CALCRL: variants seen among roughly 807,000 people sequenced by gnomAD.
CALCRL encodes the protein calcitonin receptor like receptor.
A neutral mutation model predicts 60.4 loss-of-function variants in CALCRL; 27 were observed. That is an observed-to-expected ratio of 0.45 (90% confidence interval 0.33 to 0.62). CALCRL has a LOEUF of 0.62. Among genes scored for constraint, CALCRL ranks in the 20% least tolerant of loss-of-function variants. The pLI is 0.03. For synonymous variants in CALCRL, 190 were observed against 182.6 expected (o/e 1.04, Z -0.33); for missense variants, 424 against 540.7 (o/e 0.78, Z 2.14).
At chr2:187,401,027 G>A (rs1688866032) in intron 1 of CALCRL, among the ~76,000 whole-genome samples, 1 of 151,464 alleles carries the variant, frequency 6.6e-6, no homozygotes, top group Admixed American at 6.6e-5. Context: ...TTTAGGCTCA[G>A]AGGGTATATG....
chr2:187,409,583 G>A (rs1349469830), intron 1 of CALCRL, among the ~76,000 whole-genome samples: 1 of 152,190 alleles, frequency 6.6e-6, no homozygotes, highest in Non-Finnish European at 1.5e-5. Context: ...TGAGCCACTG[G>A]TATGTGCCTA....
intron 8 of CALCRL, among the ~76,000 whole-genome samples, chr2:187,364,892 A>G (rs1356784329): frequency 6.6e-6 from 1 of 152,140 alleles, no homozygotes; most frequent in East Asian, 1.9e-4. Context: ...ATGCCAACAA[A>G]TAAGTGAAAT....
intron 12 of CALCRL, among the ~76,000 whole-genome samples, chr2:187,353,378 A>T (rs573858303): frequency 3.9e-5 from 6 of 152,108 alleles, no homozygotes; most frequent in African/African-American, 1.4e-4. Flanking sequence ...CTATGCACCA[A>T]ATATAATTTA....
At chr2:187,413,696 C>G (rs1219263351) in intron 1 of CALCRL, among the ~76,000 whole-genome samples, 4 of 152,048 alleles carry the variant, frequency 2.6e-5, no homozygotes, top group Non-Finnish European at 4.4e-5. Context: ...GTTGACAGTA[C>G]AAGGGCTGGC....
intron 8 of CALCRL, among the ~76,000 whole-genome samples, chr2:187,365,041 G>A (rs1009542578): frequency 6.6e-6 from 1 of 152,128 alleles, no homozygotes; most frequent in African/African-American, 2.4e-5. Context: ...ACAGGTTATT[G>A]ATTATATTCT....
chr2:187,419,134 A>G (rs1288397885), intron 1 of CALCRL, among the ~76,000 whole-genome samples: 1 of 150,858 alleles, frequency 6.6e-6, no homozygotes, highest in Non-Finnish European at 1.5e-5. Context: ...CGGACTTCCA[A>G]AGTGCTGGGA....
chr2:187,361,131 ATAATAGTAATTT>A (rs1422064232), intron 9 of CALCRL, among the ~76,000 whole-genome samples: 2 of 150,982 alleles, frequency 1.3e-5, no homozygotes, highest in Admixed American at 6.6e-5. Flanking sequence ...TCTGTTGGAA[ATAATAGTAATTT>A]TAAAACCAAT....
intron 1 of CALCRL, among the ~76,000 whole-genome samples, chr2:187,435,395 G>T (rs909367769): frequency 2.6e-5 from 4 of 152,182 alleles, no homozygotes; most frequent in Admixed American, 2.0e-4. Flanking sequence ...AGGGGATGGT[G>T]CTAGGTCATT....
chr2:187,415,804 A>G, intron 1 of CALCRL: 1 of 438,922 alleles, frequency 2.3e-6, no homozygotes, highest in East Asian at 5.0e-5. Flanking sequence ...TGGCTACACC[A>G]ACAGGGTGGT....
Position 187,360,610 on chromosome 2 carries a change from A to G in CALCRL, c.769T>C (p.Phe257Leu), listed in dbSNP as rs1245275576. 2 of 1,610,568 alleles carry G rather than the reference A, an allele frequency of 1.2e-6. No individual in the cohort carries two copies. Among genetic ancestry groups the G allele is most frequent in the Non-Finnish European group, 1.7e-6 (2 of 1,178,500 alleles). The change falls in exon 10 of 15, where the codon TTT becomes CTT. Residue 257 changes from phenylalanine to leucine, a missense_variant. Physicochemically the swap from Phe to Leu is conservative, Grantham distance 22. Around this residue, in one of 7 missense-constraint regions of CALCRL, gnomAD observed 222 missense variants for 265.6 expected, o/e 0.84. Coordinates refer to ENST00000392370, the MANE Select transcript of CALCRL (RefSeq NM_005795.6). ...TAATAACACTTACCCCAGCCAAGAA[A>G]ATAATACCACATTAAATGTTGCTTC... Reference protein sequence around the residue: ...AEKQHLMWYYFLGWGFPLIPA... With the variant: ...AEKQHLMWYYLLGWGFPLIPA...
At chr2:187,444,691 A>G (rs1691087882) in intron 1 of CALCRL, among the ~76,000 whole-genome samples, 1 of 151,576 alleles carries the variant, frequency 6.6e-6, no homozygotes, top group African/African-American at 2.4e-5. Context: ...GTTCACAGGC[A>G]GTGATACTAT....
At chr2:187,384,750 T>C (rs911367341) in intron 4 of CALCRL, among the ~76,000 whole-genome samples, 1 of 152,154 alleles carries the variant, frequency 6.6e-6, no homozygotes, top group African/African-American at 2.4e-5. Flanking sequence ...TGGTGTTTGC[T>C]TGGAAACACC....
At chr2:187,445,566 A>G (rs1217241450) in intron 1 of CALCRL, among the ~76,000 whole-genome samples, 1 of 151,594 alleles carries the variant, frequency 6.6e-6, no homozygotes, top group Non-Finnish European at 1.5e-5. Context: ...AAATATTTTT[A>G]CAATGTTTCC....
chr2:187,391,146 G>T (rs185419112), intron 1 of CALCRL, among the ~76,000 whole-genome samples: 4 of 152,266 alleles, frequency 2.6e-5, no homozygotes, highest in Admixed American at 2.6e-4. Flanking sequence ...GTTCTCAGGA[G>T]AAGTATGTTT....
chr2:187,382,262 CTCTTT>C (rs1688012878), intron 5 of CALCRL, among the ~76,000 whole-genome samples: 1 of 152,068 alleles, frequency 6.6e-6, no homozygotes, highest in African/African-American at 2.4e-5. Context: ...ATAAAAATAG[CTCTTT>C]ATTGCAAGAC....
intron 4 of CALCRL, among the ~76,000 whole-genome samples, chr2:187,384,401 C>G (rs1395457244): frequency 6.6e-6 from 1 of 152,192 alleles, no homozygotes; most frequent in South Asian, 2.1e-4. Context: ...ACTTGGAACA[C>G]AGACTCTGAT....
At chr2:187,428,682 G>A (rs563455644) in intron 1 of CALCRL, 6 of 152,212 alleles carry the variant, frequency 3.9e-5, no homozygotes, top group East Asian at 1.9e-4. Context: ...TCACGAGGTC[G>A]GGAGATTGAG....
chr2:187,439,082 T>C (rs1690775058), intron 1 of CALCRL, among the ~76,000 whole-genome samples: 1 of 152,180 alleles, frequency 6.6e-6, no homozygotes, highest in South Asian at 2.1e-4. Context: ...TTGGGGCACC[T>C]AATATACAGG....
chr2:187,389,135 C>G (rs1241113593), intron 1 of CALCRL, among the ~76,000 whole-genome samples: 1 of 148,588 alleles, frequency 6.7e-6, no homozygotes, highest in Non-Finnish European at 1.5e-5. Flanking sequence ...TGCAGTGGTA[C>G]GATCTTGGCT....
Sources: gnomAD v4.1 joint callset for allele counts (sites outside exome capture counted in the v4.1 genomes callset) on GRCh38, gnomAD v4.1.1 for gene constraint, gnomAD v4.1.1 regional missense constraint, MANE v1.5 for transcripts, NCBI Gene and HGNC (gene_info 2026-07-23, HGNC 2026-07-21) for gene names.